The following WDR64 variants were observed in gnomAD, a reference collection of about 807,000 sequenced individuals.
The protein encoded by WDR64 is WD repeat domain 64.
A neutral mutation model predicts 139.3 loss-of-function variants in WDR64; 112 were observed. The ratio of observed to expected loss-of-function variants is 0.80; its 90% CI spans 0.69 to 0.94. The LOEUF (loss-of-function observed/expected upper bound fraction) is 0.94, where lower values mean the gene tolerates loss of function less well. WDR64 is among the 40% of genes least tolerant of loss of function. The pLI is 0.00. For missense variants in WDR64, 1,206 were observed against 1,293.1 expected, an observed-to-expected ratio of 0.93 and a Z score of 1.03; for synonymous variants, 444 against 437.7, an observed-to-expected ratio of 1.01 and a Z score of -0.18.
chr1:241,766,034 T>C (rs1390053807), intron 15 of WDR64, among the ~76,000 whole-genome samples, 184 bp from the exon 16 acceptor site: 1 of 152,220 alleles, frequency 6.6e-6, no homozygotes, highest in African/African-American at 2.4e-5. Flanking sequence ...TAATGAATTC[T>C]GCCAGTTAAA....
At chr1:241,749,457 G>A in intron 13 of WDR64, 90 bp from the exon 14 acceptor site, 18 of 1,440,258 alleles carry the variant, frequency 1.2e-5, no homozygotes, top group Non-Finnish European at 1.7e-5. Context: ...TTGGCAGAAA[G>A]CTTTCGATCG....
intron 8 of WDR64, among the ~76,000 whole-genome samples, chr1:241,699,576 T>C (rs1401945843): frequency 1.3e-5 from 2 of 151,898 alleles, no homozygotes; most frequent in African/African-American, 4.8e-5. Flanking sequence ...AGGATAGGAT[T>C]GTAGGGGTGG....
At chr1:241,735,596 G>GCGAT (rs1325053033) in intron 10 of WDR64, among the ~76,000 whole-genome samples, 1 of 133,362 alleles carries the variant, frequency 7.5e-6, no homozygotes, top group East Asian at 2.3e-4. Flanking sequence ...GTGCTGTAGT[G>GCGAT]CGATCTTGGC....
chr1:241,793,079 C>T (rs1040231115), intron 25 of WDR64, among the ~76,000 whole-genome samples: 1 of 152,144 alleles, frequency 6.6e-6, no homozygotes, highest in Non-Finnish European at 1.5e-5. Flanking sequence ...CGCTCATCTA[C>T]AGGAATGATG....
At chr1:241,674,600 AC>A in intron 3 of WDR64, 43 bp from the exon 4 acceptor site, 1 of 1,303,856 alleles carries the variant, frequency 7.7e-7, no homozygotes, top group Non-Finnish European at 1.1e-6. Flanking sequence ...GAGTTTCAGC[AC>A]CTTTACTGCT....
At chr1:241,761,878 C>T (rs1270770546) in intron 15 of WDR64, among the ~76,000 whole-genome samples, 2 of 152,200 alleles carry the variant, frequency 1.3e-5, no homozygotes, top group Non-Finnish European at 2.9e-5. Context: ...TTACGCTTCG[C>T]TTCTAATTCT....
chr1:241,671,863 T>C (rs1666243510), intron 3 of WDR64, among the ~76,000 whole-genome samples: 1 of 152,104 alleles, frequency 6.6e-6, no homozygotes, highest in Non-Finnish European at 1.5e-5. Flanking sequence ...GAAGGTCAAA[T>C]GTGATGTCTC....
chr1:241,704,201 C>T lies in WDR64; in HGVS notation c.975-7601C>T, dbSNP rs1667848420. Among the ~76,000 whole-genome samples, 3 of 152,304 alleles carry T rather than the reference C, an allele frequency of 2.0e-5. No homozygotes were observed. In the South Asian group the frequency reaches 6.2e-4, roughly 32 times the overall value. ...GTGTCCTGGCCAAGAGGACAGTCTC[C>T]TTCCTTCCCAACCTCACCCCTGCCA... On this transcript the variant is annotated intron_variant, in intron 8 of 27. Coordinates refer to ENST00000437684, the MANE Select transcript of WDR64 (RefSeq NM_001367482.1).
intron 9 of WDR64, among the ~76,000 whole-genome samples, chr1:241,717,042 A>G (rs906445852): frequency 7.9e-5 from 12 of 152,200 alleles, no homozygotes; most frequent in Non-Finnish European, 1.5e-4. Flanking sequence ...ATGTCCCACC[A>G]ACATGATGTA....
chr1:241,790,279 A>G (rs1174277666), intron 24 of WDR64, among the ~76,000 whole-genome samples: 2 of 152,176 alleles, frequency 1.3e-5, no homozygotes, highest in Non-Finnish European at 2.9e-5. Context: ...TGAACCTGGG[A>G]GGCAGAGGTT....
intron 15 of WDR64, among the ~76,000 whole-genome samples, chr1:241,760,835 G>A (rs931305499): frequency 7.2e-6 from 1 of 138,734 alleles, no homozygotes; most frequent in African/African-American, 2.8e-5. Context: ...GCGCTATCCC[G>A]GCTCACTGCA....
In WDR64 at chr1:241,769,428, T is replaced by A. The variant is rs1574083695; in HGVS notation, c.2106T>A (p.Thr702=). The A allele has an allele frequency of 6.4e-7, 1 of 1,551,530 alleles. No homozygotes were observed. Residue 702 remains threonine, a synonymous_variant, in exon 17 of 28, where the codon ACT becomes ACA. Coordinates refer to ENST00000437684, the MANE Select transcript of WDR64 (RefSeq NM_001367482.1). The part of the protein sequence containing the change: ...KKVYRPEDCF[T]VNPDLHPKHF... Reference sequence around the variant, plus strand: ...GGTACCGACCTGAAGATTGCTTCACTGTAAACCCTGACTTGCATCCCAAGC... The same window carrying A: ...GGTACCGACCTGAAGATTGCTTCACAGTAAACCCTGACTTGCATCCCAAGC...
At chr1:241,761,731 T>G (rs1353658147) in intron 15 of WDR64, among the ~76,000 whole-genome samples, 1 of 152,214 alleles carries the variant, frequency 6.6e-6, no homozygotes, top group Non-Finnish European at 1.5e-5. Context: ...TCATCTAAGT[T>G]TAGGTAATAT....
At chr1:241,721,256 T>C (rs1668598771) in intron 9 of WDR64, among the ~76,000 whole-genome samples, 1 of 152,216 alleles carries the variant, frequency 6.6e-6, no homozygotes, top group South Asian at 2.1e-4. Context: ...TCTTTTTGCT[T>C]AGGACTGTCT....
rs184801078 is a variant in WDR64, at chr1:241,696,352, C to T, written c.974+8757C>T. On this transcript the variant is annotated intron_variant, in intron 8 of 27. Transcript: ENST00000437684. ...ATTGGAAAGGGATCCTGATCCTGAC[C>T]CCCAAAAAAGGTTCTTGGACCTCAC... Among the ~76,000 whole-genome samples, 112 of 151,898 alleles carry T rather than the reference C, an allele frequency of 7.4e-4. 1 individual carries two copies. Among genetic ancestry groups the T allele is most frequent in the Middle Eastern group, 3.4e-3 (1 of 294 alleles).
intron 10 of WDR64, among the ~76,000 whole-genome samples, chr1:241,728,909 C>T (rs1002903929): frequency 6.0e-5 from 9 of 151,052 alleles, no homozygotes; most frequent in East Asian, 1.9e-4. Flanking sequence ...TGCTAATTTT[C>T]GTACATTTTC....
intron 10 of WDR64, among the ~76,000 whole-genome samples, chr1:241,724,172 C>T (rs1668715384): frequency 6.6e-6 from 1 of 151,992 alleles, no homozygotes; most frequent in Admixed American, 6.6e-5. Context: ...ATACTATGTT[C>T]CTACATGGAA....
chr1:241,680,312 A>T (rs958554235), intron 6 of WDR64, among the ~76,000 whole-genome samples: 1 of 152,198 alleles, frequency 6.6e-6, no homozygotes, highest in Non-Finnish European at 1.5e-5. Context: ...AGCCTTGGTA[A>T]AAAACTAACC....
chr1:241,676,745 G>GTTTTTTTTTTTTTTTT (rs11342790), intron 4 of WDR64, among the ~76,000 whole-genome samples: 3 of 124,336 alleles, frequency 2.4e-5, no homozygotes, highest in African/African-American at 9.0e-5. Flanking sequence ...AAAATTAATG[G>GTTTTTTTTTTTTTTTT]TTTTTTTTTT....
Sources: gnomAD v4.1 joint callset for allele counts (sites outside exome capture counted in the v4.1 genomes callset) on GRCh38, gnomAD v4.1.1 for gene constraint, MANE v1.5 for transcripts, NCBI Gene and HGNC (gene_info 2026-07-23, HGNC 2026-07-21) for gene names.